UNC80: variants seen among roughly 807,000 people sequenced by gnomAD.
The protein encoded by UNC80 is unc-80 subunit of NALCN channel complex.
In UNC80, 164 loss-of-function variants were observed where a neutral mutation model predicts 384.6. The observed-to-expected ratio is 0.43, with a 90% CI of 0.38 to 0.49. The LOEUF (loss-of-function observed/expected upper bound fraction) is 0.49. UNC80 is among the 20% of genes least tolerant of loss of function. The pLI is 0.00. For synonymous variants in UNC80, 1,486 were observed against 1,527.8 expected, an observed-to-expected ratio of 0.97 and a Z score of 0.64; for missense variants, 3,330 against 4,143.0, an observed-to-expected ratio of 0.80 and a Z score of 5.39.
Position 209,976,354 on chromosome 2 carries a change from G to T in UNC80, c.8772+51G>T. 6.5e-7 allele frequency: 1 copy of T among 1,550,118 alleles called. No homozygotes were observed. Among genetic ancestry groups the T allele is most frequent in the South Asian group, 1.2e-5 (1 of 83,900 alleles). On this transcript the variant is annotated intron_variant, in intron 57 of 64. Coordinates refer to ENST00000673920, the MANE Select transcript of UNC80 (RefSeq NM_001371986.1). This position sits in a 1 kb window ranked among gnomAD's most constrained non-coding sequence, Gnocchi z 4.3. ...AAGTGGCAAGCTCAAATGAATGTGT[G>T]GCTCTCTACTGAGGCAGGAATATGG...
chr2:209,917,727 A>G, intron 31 of UNC80, 50 bp from the exon 32 acceptor site: 1 of 1,543,286 alleles, frequency 6.5e-7, no homozygotes. Flanking sequence ...AACCCCAGGA[A>G]CTAAGCAATA....
At chr2:209,818,904 G>A in intron 11 of UNC80, 89 bp from the exon 12 acceptor site, 1 of 1,388,224 alleles carries the variant, frequency 7.2e-7, no homozygotes, top group Non-Finnish European at 9.7e-7. Context: ...AGCTGTTATT[G>A]TGGTCATGAT....
intron 22 of UNC80, among the ~76,000 whole-genome samples, chr2:209,855,387 T>C (rs1450067338): frequency 2.0e-5 from 3 of 152,110 alleles, no homozygotes; most frequent in Admixed American, 6.6e-5. Flanking sequence ...AGTTGATAGG[T>C]ACAGCAAACC....
Position 209,815,314 on chromosome 2 carries a change from A to G in UNC80, c.1258A>G (p.Lys420Glu). The G allele has an allele frequency of 6.4e-7, 1 of 1,551,668 alleles. No homozygotes were observed. Among genetic ancestry groups the G allele is most frequent in the Non-Finnish European group, 8.7e-7 (1 of 1,146,966 alleles). Residue 420 changes from lysine to glutamate, a missense_variant, in exon 9 of 65, where the codon AAG (lysine) becomes GAG (glutamate). By Grantham distance (56) the Lys-to-Glu change is moderately conservative (BLOSUM62 1). Transcript: ENST00000673920. ...ATCTCTTAGCTCTGAGGCCTTTTCC[A>G]AGGTTTCACTGACCAATCTGCGTAG... is the stretch of plus-strand genomic sequence containing the variant. ...EKSLSSEAFS[K>E]VSLTNLRRSA...
intron 47 of UNC80, among the ~76,000 whole-genome samples, chr2:209,953,863 G>A (rs919446778): frequency 1.3e-5 from 2 of 151,958 alleles, no homozygotes; most frequent in African/African-American, 2.4e-5. Context: ...TAATTCCCCC[G>A]ACTAGATCAC....
intron 22 of UNC80, among the ~76,000 whole-genome samples, chr2:209,852,411 G>A (rs1338025047): frequency 6.6e-6 from 1 of 152,074 alleles, no homozygotes; most frequent in South Asian, 2.1e-4. Context: ...GGTTGGCAGA[G>A]GTGTTGGTAG....
intron 60 of UNC80, among the ~76,000 whole-genome samples, chr2:209,983,766 G>A (rs986452740): frequency 2.6e-5 from 4 of 152,110 alleles, no homozygotes; most frequent in Non-Finnish European, 5.9e-5. Context: ...GGGTCAAGTT[G>A]TTTGCAGGGA....
intron 48 of UNC80, chr2:209,954,473 A>T: frequency 2.5e-6 from 1 of 397,816 alleles, no homozygotes; most frequent in East Asian, 3.7e-5. Context: ...TCTGATTAGT[A>T]GTAGTATAAT....
At chr2:209,871,361 A>G (rs896651269) in intron 22 of UNC80, among the ~76,000 whole-genome samples, 2 of 152,192 alleles carry the variant, frequency 1.3e-5, no homozygotes, top group African/African-American at 4.8e-5. Flanking sequence ...GTGAAAAATT[A>G]TACCTCATTT....
intron 22 of UNC80, among the ~76,000 whole-genome samples, chr2:209,868,149 A>G (rs2083993596): frequency 6.6e-6 from 1 of 152,204 alleles, no homozygotes; most frequent in Admixed American, 6.5e-5. Flanking sequence ...CAATACAGCT[A>G]AGTAATAAAT....
intron 4 of UNC80, 84 bp downstream of exon 4, chr2:209,777,643 G>A (rs2076940369): frequency 6.9e-7 from 1 of 1,454,118 alleles, no homozygotes; most frequent in African/African-American, 1.4e-5. Flanking sequence ...TATTTGGTTG[G>A]GCATGTCTTT....
chr2:209,778,255 T>C (rs1240554378), intron 4 of UNC80, among the ~76,000 whole-genome samples: 1 of 151,946 alleles, frequency 6.6e-6, no homozygotes, highest in Non-Finnish European at 1.5e-5. Context: ...ATACAAAAAT[T>C]AGCCAGGCGT....
At chr2:209,837,683 T>G (rs1199318803) in intron 18 of UNC80, among the ~76,000 whole-genome samples, 1 of 152,196 alleles carries the variant, frequency 6.6e-6, no homozygotes, top group Non-Finnish European at 1.5e-5. Context: ...ATTCAACTGT[T>G]TCCGTGGTGT....
chr2:209,825,037 ACAT>A (rs2153828130), intron 13 of UNC80, among the ~76,000 whole-genome samples: 1 of 152,278 alleles, frequency 6.6e-6, no homozygotes, highest in South Asian at 2.1e-4. Flanking sequence ...AACTTATCTA[ACAT>A]CATATGTGGT....
intron 53 of UNC80, among the ~76,000 whole-genome samples, chr2:209,970,492 TGTCA>T (rs1266327830): frequency 6.6e-6 from 1 of 152,192 alleles, no homozygotes; most frequent in African/African-American, 2.4e-5. Context: ...TCATCATTGT[TGTCA>T]GTATTTGCTC....
At chr2:209,879,835 A>G (rs932405621) in intron 24 of UNC80, among the ~76,000 whole-genome samples, 2 of 151,748 alleles carry the variant, frequency 1.3e-5, no homozygotes, top group African/African-American at 4.9e-5. Context: ...GTCCCCGGCA[A>G]CAAATTAACT....
At chr2:209,953,302 C>A (rs2092271246) in intron 47 of UNC80, among the ~76,000 whole-genome samples, 1 of 151,088 alleles carries the variant, frequency 6.6e-6, no homozygotes, top group Admixed American at 6.6e-5. Context: ...CCTATAATCC[C>A]AGCTACTGGG....
intron 14 of UNC80, 61 bp downstream of exon 14, chr2:209,826,114 G>T (rs549063520): frequency 2.7e-6 from 4 of 1,463,746 alleles, no homozygotes; most frequent in South Asian, 2.8e-5. Flanking sequence ...GTTTAAGAAT[G>T]AGTCCTTTGA....
Position 209,775,927 on chromosome 2 carries a change from C to T in UNC80, c.180C>T (p.Gly60=), listed in dbSNP as rs60856233. 4.6e-3 allele frequency: 7,346 copies of T among 1,614,034 alleles called. 268 individuals are homozygous for T. In the African/African-American group the frequency reaches 0.083, roughly 18 times the overall value. The change falls in exon 3 of 65, where the codon GGC becomes GGT. Residue 60 remains glycine, a synonymous_variant. Coordinates refer to ENST00000673920, the MANE Select transcript of UNC80 (RefSeq NM_001371986.1). ...TGTTGGTAGAAAACAAGCTGCATGG[C>T]CTCTCTCCAGCTCTCTCTGAAGCCA... ...ERVLVENKLH[G]LSPALSEAIQ...
Sources: allele counts gnomAD v4.1 joint callset (sites outside exome capture counted in the v4.1 genomes callset), GRCh38; gene constraint gnomAD v4.1.1; non-coding constraint Gnocchi (gnomAD v3.1); transcripts MANE v1.5; gene names NCBI Gene and HGNC (gene_info 2026-07-23, HGNC 2026-07-21).